The following RALYL variants were observed in gnomAD, a reference collection of about 807,000 sequenced individuals.
RALYL encodes RALY RNA binding protein like.
RALYL carries 29 observed loss-of-function variants against 35.1 expected under a neutral mutation model. The ratio of observed to expected loss-of-function variants is 0.83; its 90% CI spans 0.61 to 1.13. The LOEUF (loss-of-function observed/expected upper bound fraction) is 1.13. Ranked by LOEUF, RALYL falls within the 50% of genes most tolerant of loss-of-function variation. RALYL has a pLI of 0.00. For synonymous variants in RALYL, 120 were observed against 127.6 expected (o/e 0.94, Z 0.40); for missense variants, 359 against 360.4 (o/e 1.00, Z 0.03).
At chr8:84,590,329 T>C (rs1362808744) in intron 2 of RALYL, among the ~76,000 whole-genome samples, 1 of 152,180 alleles carries the variant, frequency 6.6e-6, no homozygotes, top group African/African-American at 2.4e-5. Context: ...CTCATGATCA[T>C]AAAATTATGT....
chr8:84,847,906 G>C (rs1834999739), intron 4 of RALYL, among the ~76,000 whole-genome samples: 1 of 152,126 alleles, frequency 6.6e-6, no homozygotes, highest in South Asian at 2.1e-4. Flanking sequence ...CATGGATTAG[G>C]TCTGCTCTTA....
chr8:84,579,708 C>T (rs1810393482), intron 2 of RALYL, among the ~76,000 whole-genome samples: 1 of 152,188 alleles, frequency 6.6e-6, no homozygotes, highest in Non-Finnish European at 1.5e-5. Flanking sequence ...AAACTAATAT[C>T]TATCTTCTCA....
At chr8:84,285,909 G>A (rs998370939) in intron 1 of RALYL, among the ~76,000 whole-genome samples, 4 of 152,142 alleles carry the variant, frequency 2.6e-5, no homozygotes, top group Admixed American at 2.0e-4. Flanking sequence ...TTGATTTATA[G>A]TTTAGAAGGA....
rs1164998861 is a variant in RALYL at position 84,531,824 on chromosome 8, T to G, written c.256+2247T>G. Among the ~76,000 whole-genome samples the G allele has an allele frequency of 2.0e-5, 3 of 152,090 alleles. No individual in the cohort carries two copies. The East Asian group carries it at 5.8e-4, about 29-fold the overall frequency. On this transcript the variant is annotated intron_variant, in intron 2 of 8. Transcript: ENST00000521268. Reference sequence around the variant, plus strand: ...ATCACTACTCAGTTGATTGCTGTCTTTTTGAGAAGAATGCAATGGGCAAAG... The same window carrying G: ...ATCACTACTCAGTTGATTGCTGTCTGTTTGAGAAGAATGCAATGGGCAAAG...
At chr8:84,753,727 T>C (rs1203554505) in intron 2 of RALYL, among the ~76,000 whole-genome samples, 1 of 152,160 alleles carries the variant, frequency 6.6e-6, no homozygotes, top group African/African-American at 2.4e-5. Context: ...TCTGCCATGA[T>C]TGAAAGTTTC....
intron 2 of RALYL, among the ~76,000 whole-genome samples, chr8:84,655,800 A>AATGAAT (rs1223712089): frequency 1.3e-5 from 2 of 152,162 alleles, no homozygotes; most frequent in Admixed American, 1.3e-4. Flanking sequence ...ATAACTTGAC[A>AATGAAT]AATAGAATGA....
At chr8:84,447,305 G>T (rs1045025854) in intron 1 of RALYL, among the ~76,000 whole-genome samples, 1 of 152,080 alleles carries the variant, frequency 6.6e-6, no homozygotes, top group Non-Finnish European at 1.5e-5. Context: ...ACACATTCCG[G>T]TTCTGAATCT....
intron 1 of RALYL, among the ~76,000 whole-genome samples, chr8:84,285,466 G>T (rs1489746139): frequency 6.6e-6 from 1 of 152,052 alleles, no homozygotes; most frequent in East Asian, 1.9e-4. Context: ...ACATATTAAT[G>T]GGAGAAGAAT....
intron 1 of RALYL, among the ~76,000 whole-genome samples, chr8:84,377,374 G>T (rs1275628314): frequency 6.7e-6 from 1 of 149,126 alleles, no homozygotes; most frequent in Non-Finnish European, 1.5e-5. Context: ...TGTCCAAAAT[G>T]AGTTGTCAAG....
chr8:84,657,912 C>T (rs1264230815), intron 2 of RALYL, among the ~76,000 whole-genome samples: 1 of 152,082 alleles, frequency 6.6e-6, no homozygotes, highest in Non-Finnish European at 1.5e-5. Flanking sequence ...GTTAAGTACA[C>T]CTATGAGAAA....
intron 1 of RALYL, among the ~76,000 whole-genome samples, chr8:84,334,003 C>T: frequency 6.6e-6 from 1 of 152,042 alleles, no homozygotes; most frequent in Middle Eastern, 3.2e-3. Flanking sequence ...TCTCCCACCT[C>T]AGCCTCCTGG....
chr8:84,482,999 T>C (rs147597289), intron 1 of RALYL, among the ~76,000 whole-genome samples: 1,768 of 152,216 alleles, frequency 0.012, 32 homozygotes, highest in African/African-American at 0.04. Context: ...TGCATTGGGT[T>C]CAAATTAACC....
At chr8:84,761,827 A>G (rs1286338577) in intron 2 of RALYL, among the ~76,000 whole-genome samples, 1 of 152,208 alleles carries the variant, frequency 6.6e-6, no homozygotes, top group African/African-American at 2.4e-5. Flanking sequence ...ATAAATTTTA[A>G]AATAGCATTG....
intron 1 of RALYL, among the ~76,000 whole-genome samples, chr8:84,527,354 G>A (rs966223118): frequency 5.9e-5 from 9 of 151,984 alleles, no homozygotes; most frequent in Admixed American, 5.9e-4. Context: ...ATTTGACCAA[G>A]GGTTATCAAT....
At chr8:84,373,611 G>A (rs957500919) in intron 1 of RALYL, among the ~76,000 whole-genome samples, 1 of 151,994 alleles carries the variant, frequency 6.6e-6, no homozygotes, top group Non-Finnish European at 1.5e-5. Context: ...TGCTGCTTCG[G>A]TTATTGTGTC....
At chr8:84,388,287 G>A (rs1042260450) in intron 1 of RALYL, among the ~76,000 whole-genome samples, 38 of 152,136 alleles carry the variant, frequency 2.5e-4, no homozygotes, top group Admixed American at 2.1e-3. Flanking sequence ...ATTGTGATTA[G>A]TGCCGCAATA....
intron 1 of RALYL, among the ~76,000 whole-genome samples, chr8:84,404,419 A>T (rs2043246020): frequency 6.6e-6 from 1 of 152,098 alleles, no homozygotes; most frequent in Admixed American, 6.6e-5. Context: ...TTCTGCATCT[A>T]TTGAGATAAT....
intron 1 of RALYL, among the ~76,000 whole-genome samples, chr8:84,460,247 G>T (rs759437079): frequency 2.6e-5 from 4 of 151,754 alleles, no homozygotes; most frequent in African/African-American, 4.8e-5. Context: ...AAGTCTAAAT[G>T]GGTAGAATGC....
At chr8:84,868,070 A>G (rs1476188762) in intron 6 of RALYL, among the ~76,000 whole-genome samples, 1 of 152,054 alleles carries the variant, frequency 6.6e-6, no homozygotes, top group African/African-American at 2.4e-5. Context: ...AGAGTCCATG[A>G]GACCAGGGAG....
Sources: allele counts gnomAD v4.1 joint callset (sites outside exome capture counted in the v4.1 genomes callset), GRCh38; gene constraint gnomAD v4.1.1; transcripts MANE v1.5; gene names NCBI Gene and HGNC (gene_info 2026-07-23, HGNC 2026-07-21).